GPC6: variants seen among roughly 807,000 people sequenced by gnomAD.
GPC6 encodes the protein glypican 6.
GPC6 carries 14 observed loss-of-function variants against 55.2 expected under a neutral mutation model. That is an observed-to-expected ratio of 0.25 (90% CI 0.17 to 0.40). The LOEUF is 0.40. Among genes scored for constraint, GPC6 ranks in the 10% least tolerant of loss-of-function variants. The pLI is 1.00. For synonymous variants in GPC6, 278 were observed against 259.6 expected, an observed-to-expected ratio of 1.07 and a Z score of -0.68; for missense variants, 641 against 708.5, an observed-to-expected ratio of 0.90 and a Z score of 1.08.
At position 93,368,370 on chromosome 13, in the gene GPC6, T is replaced by G. The variant is rs981690784; in HGVS notation, c.160+140754T>G. 1.5e-3 allele frequency among the ~76,000 whole-genome samples: 189 copies of G among 124,586 alleles called. 2 individuals are homozygous for G. The highest frequency in any genetic ancestry group is 0.012 in the Middle Eastern group (3 of 250). 81.7% of individuals were successfully genotyped at this position (124,586 alleles called of 152,430 possible). On this transcript the variant is annotated intron_variant, in intron 1 of 8. Transcript: ENST00000377047. ...CTTCCTTCCTTCCTTCCTTCCTTCC[T>G]TCCTTCCTTCCTTCCTTCCGTCCTT...
At chr13:94,081,909 C>T (rs1284963492) in intron 4 of GPC6, among the ~76,000 whole-genome samples, 2 of 148,434 alleles carry the variant, frequency 1.3e-5, no homozygotes, top group Non-Finnish European at 3.0e-5. Context: ...GGCATGATCT[C>T]GGCTCACTAC....
intron 4 of GPC6, among the ~76,000 whole-genome samples, chr13:94,179,916 T>C (rs1403067782): frequency 6.6e-6 from 1 of 152,124 alleles, no homozygotes; most frequent in Admixed American, 6.5e-5. Flanking sequence ...CAGGAACCTA[T>C]CATGTTGCTA....
chr13:93,722,094 G>A (rs1030485056), intron 2 of GPC6, among the ~76,000 whole-genome samples: 1 of 151,586 alleles, frequency 6.6e-6, no homozygotes, highest in Non-Finnish European at 1.5e-5. Flanking sequence ...AAATAACATT[G>A]TTTTATGGTA....
At chr13:93,841,706 A>C (rs1389503844) in intron 3 of GPC6, among the ~76,000 whole-genome samples, 1 of 152,216 alleles carries the variant, frequency 6.6e-6, no homozygotes, top group Non-Finnish European at 1.5e-5. Flanking sequence ...TTGCATACAC[A>C]GAATTTTTTA....
chr13:93,223,574 G>T (rs1402763815), upstream of GPC6, among the ~76,000 whole-genome samples: 20 of 152,130 alleles, frequency 1.3e-4, no homozygotes, highest in African/African-American at 4.8e-4. Flanking sequence ...CTCCCAAGTA[G>T]CTGGGACTGC....
At chr13:93,314,754 T>TGCGCGC (rs143367023) in intron 1 of GPC6, among the ~76,000 whole-genome samples, 1,596 of 149,384 alleles carry the variant, frequency 0.011, 36 homozygotes, top group African/African-American at 0.037. Flanking sequence ...TGTGTGTGTG[T>TGCGCGC]GTGCACGCAT....
chr13:93,991,830 T>C (rs552074577), intron 3 of GPC6, among the ~76,000 whole-genome samples: 1 of 152,318 alleles, frequency 6.6e-6, no homozygotes, highest in African/African-American at 2.4e-5. Flanking sequence ...GTATGTGTAA[T>C]GATATAACAT....
intron 4 of GPC6, among the ~76,000 whole-genome samples, chr13:94,031,465 C>T (rs539498333): frequency 2.0e-5 from 3 of 152,252 alleles, no homozygotes; most frequent in South Asian, 2.1e-4. Flanking sequence ...TGGTGTCTTA[C>T]GTAGCACCCC....
At chr13:94,206,286 G>T (rs1379963623) in intron 4 of GPC6, among the ~76,000 whole-genome samples, 1 of 152,156 alleles carries the variant, frequency 6.6e-6, no homozygotes, top group Non-Finnish European at 1.5e-5. Context: ...GTTCTTGTTT[G>T]TGTCTCTTTT....
intron 2 of GPC6, among the ~76,000 whole-genome samples, chr13:93,553,234 G>T (rs1447398086): frequency 4.0e-5 from 6 of 148,342 alleles, no homozygotes; most frequent in Non-Finnish European, 8.9e-5. Context: ...CTGAGCCAGT[G>T]TAAGAGTTCC....
chr13:93,309,820 C>A (rs1879004925), intron 1 of GPC6, among the ~76,000 whole-genome samples: 1 of 152,166 alleles, frequency 6.6e-6, no homozygotes, highest in Non-Finnish European at 1.5e-5. Flanking sequence ...TTCTTCTTTA[C>A]TTAGACATAA....
rs186132707 is a variant in GPC6 at position 93,228,195 on chromosome 13, G to C, written c.160+579G>C. ...GGCAAGGCTGGGAGGGACCCTCGCC[G>C]GGGACCTGGCCTCTGGACGCCGGCG... On this transcript the variant is annotated intron_variant, in intron 1 of 8. Coordinates refer to ENST00000377047, the MANE Select transcript of GPC6 (RefSeq NM_005708.5). 6.1e-3 allele frequency among the ~76,000 whole-genome samples: 927 copies of C among 152,266 alleles called. 7 individuals carry two copies. The highest frequency in any genetic ancestry group is 7.9e-3 in the Non-Finnish European group (538 of 68,014).
chr13:93,896,014 T>A (rs538362419), intron 3 of GPC6, among the ~76,000 whole-genome samples: 1 of 152,180 alleles, frequency 6.6e-6, no homozygotes, highest in East Asian at 1.9e-4. Context: ...TAACTTAGTG[T>A]ATATTTAAAA....
chr13:93,350,428 C>T (rs1880593329), intron 1 of GPC6, among the ~76,000 whole-genome samples: 2 of 152,058 alleles, frequency 1.3e-5, no homozygotes, highest in South Asian at 2.1e-4. Flanking sequence ...AGCGAGACTC[C>T]ATCTCAAATA....
intron 1 of GPC6, among the ~76,000 whole-genome samples, chr13:93,231,421 A>G (rs1180835241): frequency 2.1e-4 from 11 of 53,616 alleles, no homozygotes; most frequent in Non-Finnish European, 3.4e-4. Flanking sequence ...ATATATATAT[A>G]TACGTATATA....
intron 1 of GPC6, among the ~76,000 whole-genome samples, chr13:93,404,339 C>T (rs929654044): frequency 3.3e-5 from 5 of 152,004 alleles, no homozygotes; most frequent in African/African-American, 9.7e-5. Flanking sequence ...AAACTGAAGG[C>T]GTGGAGTGTG....
intron 3 of GPC6, among the ~76,000 whole-genome samples, chr13:94,009,581 T>C (rs1882159520): frequency 6.6e-6 from 1 of 152,180 alleles, no homozygotes; most frequent in Admixed American, 6.5e-5. Context: ...GTCTTAGATC[T>C]ATTTTAGGAA....
At chr13:93,826,261 C>T (rs373322524) in intron 2 of GPC6, among the ~76,000 whole-genome samples, 4 of 152,136 alleles carry the variant, frequency 2.6e-5, no homozygotes, top group African/African-American at 9.7e-5. Context: ...ATTTATCATA[C>T]TGTTGTTGAG....
intron 4 of GPC6, among the ~76,000 whole-genome samples, chr13:94,144,677 T>C (rs1189319897): frequency 6.6e-6 from 1 of 151,992 alleles, no homozygotes; most frequent in South Asian, 2.1e-4. Context: ...GTTCCTGACA[T>C]GCAAACAAAA....
Sources: allele counts gnomAD v4.1 joint callset (sites outside exome capture counted in the v4.1 genomes callset), GRCh38; gene constraint gnomAD v4.1.1; transcripts MANE v1.5; gene names NCBI Gene and HGNC (gene_info 2026-07-23, HGNC 2026-07-21).